GSTCD: variants seen among roughly 807,000 people sequenced by gnomAD.
The protein encoded by GSTCD is glutathione S-transferase C-terminal domain containing.
Under a neutral mutation model 68.3 loss-of-function variants are expected in GSTCD, and 44 were observed. The observed-to-expected ratio is 0.64, with a 90% CI of 0.51 to 0.83. The LOEUF is 0.83. GSTCD is among the 40% of genes least tolerant of loss of function. The pLI, the probability that GSTCD is intolerant of heterozygous loss-of-function variation, is 0.00. For synonymous variants in GSTCD, 273 were observed against 255.2 expected, an observed-to-expected ratio of 1.07 and a Z score of -0.67; for missense variants, 739 against 735.9, an observed-to-expected ratio of 1.00 and a Z score of -0.05.
At chr4:105,840,127 A>G in intron 10 of GSTCD, 1 of 441,582 alleles carries the variant, frequency 2.3e-6, no homozygotes, top group Non-Finnish European at 4.5e-6. Context: ...CAAAGAGAAC[A>G]TACACACAAA....
chr4:105,719,251 T>A lies in GSTCD; in HGVS notation c.618T>A (p.Asp206Glu), dbSNP rs756497481. Residue 206 changes from aspartate to glutamate, a missense_variant, in exon 3 of 12, where the codon GAT becomes GAA. By Grantham distance (45) the Asp-to-Glu change is conservative. Coordinates refer to ENST00000515279, the MANE Select transcript of GSTCD (RefSeq NM_001370181.1). The stretch of plus-strand genomic sequence containing the variant: ...AGAAGCTCAAGCAACAGAAGGCTGA[T>A]GGAGTTGGGCCTCCCCTTACTAAGG... ...RRQKLKQQKA[D>E]GVGPPLTKGK... is the part of the protein sequence containing the mutation. The A allele has an allele frequency of 3.0e-5, 48 of 1,613,956 alleles. No homozygotes were observed. The Admixed American group carries it at 7.7e-4, about 26-fold the overall frequency.
chr4:105,797,064 GTGTGTGTGTGTGTGTA>G (rs1345826903), intron 5 of GSTCD, among the ~76,000 whole-genome samples: 1 of 151,562 alleles, frequency 6.6e-6, no homozygotes, highest in Admixed American at 6.6e-5. Context: ...GTGTGTGTGT[GTGTGTGTGTGTGTGTA>G]TGTGTGTGTG....
At chr4:105,807,703 C>A (rs1722574837) in intron 5 of GSTCD, among the ~76,000 whole-genome samples, 1 of 152,016 alleles carries the variant, frequency 6.6e-6, no homozygotes, top group Non-Finnish European at 1.5e-5. Flanking sequence ...CTTGAGTATA[C>A]CACAGCAGGG....
intron 5 of GSTCD, among the ~76,000 whole-genome samples, chr4:105,775,918 C>T (rs1735041400): frequency 6.6e-6 from 1 of 152,232 alleles, no homozygotes; most frequent in South Asian, 2.1e-4. Flanking sequence ...CAGGCAGGAA[C>T]ATTGAAGTCT....
rs1307942023 is a variant in GSTCD, at chr4:105,845,449, T to C, written c.1774T>C (p.Cys592Arg). The change falls in exon 12 of 12, where the codon TGC becomes CGC. Residue 592 changes from cysteine (C) to arginine (R), a missense_variant. Physicochemically the swap from Cys to Arg is radical, Grantham distance 180. Coordinates refer to ENST00000515279, the MANE Select transcript of GSTCD (RefSeq NM_001370181.1). ...ATTTGACTGTGTTTCAGGAAAACAG[T>C]GCATGTGCTTGGTGGATCTGGATCG... The part of the protein sequence containing the change: ...PPQRRLIGKQ[C>R]MCLVDLDRAR... The C allele has an allele frequency of 6.2e-7, 1 of 1,614,118 alleles. No individual in the cohort carries two copies. The highest frequency in any genetic ancestry group is 1.1e-5 in the South Asian group (1 of 91,082).
chr4:105,754,899 A>C (rs1016299415), intron 5 of GSTCD, among the ~76,000 whole-genome samples: 1 of 151,824 alleles, frequency 6.6e-6, no homozygotes, highest in African/African-American at 2.4e-5. Context: ...TAGCTGTAAA[A>C]GGCAATATTA....
intron 5 of GSTCD, among the ~76,000 whole-genome samples, chr4:105,788,797 A>G (rs1347234669): frequency 6.6e-6 from 1 of 152,062 alleles, no homozygotes; most frequent in Non-Finnish European, 1.5e-5. Flanking sequence ...TATTATTGAC[A>G]TTTATGATAA....
At chr4:105,736,008 T>A (rs1733450329) in intron 5 of GSTCD, among the ~76,000 whole-genome samples, 1 of 152,204 alleles carries the variant, frequency 6.6e-6, no homozygotes, top group Non-Finnish European at 1.5e-5. Context: ...GTTTAAAATG[T>A]TGTTTGAGAA....
chr4:105,721,031 G>T (rs1310033762), intron 3 of GSTCD, among the ~76,000 whole-genome samples: 1 of 151,610 alleles, frequency 6.6e-6, no homozygotes, highest in African/African-American at 2.4e-5. Context: ...GTGTGCAGTG[G>T]TGTAATCGCA....
At position 105,729,450 on chromosome 4, in the gene GSTCD, T is replaced by C. The variant is rs754689786; in HGVS notation, c.1191T>C (p.Thr397=). The change falls in exon 5 of 12, where the codon ACT becomes ACC. Residue 397 remains threonine (T), a synonymous_variant. Transcript: ENST00000515279. The part of the protein sequence containing the change: ...EVMFSPHPCP[T]WTLDWNVLPA... ...TGTTTTCTCCCCACCCTTGCCCTACTTGGACTCTTGATTGGAATGTTCTCC... is the reference window on the plus strand; with the variant it reads ...TGTTTTCTCCCCACCCTTGCCCTACCTGGACTCTTGATTGGAATGTTCTCC... The C allele has an allele frequency of 1.9e-6, 3 of 1,612,386 alleles. No homozygotes were observed. Among genetic ancestry groups the C allele is most frequent in the Non-Finnish European group, 8.5e-7 (1 of 1,178,972 alleles).
chr4:105,842,186 G>C, intron 11 of GSTCD, 52 bp downstream of exon 11: 1 of 1,408,530 alleles, frequency 7.1e-7, no homozygotes, highest in Non-Finnish European at 1.0e-6. Context: ...AATATGACTG[G>C]GAATGATTGG....
chr4:105,787,055 A>G (rs1192166711), intron 5 of GSTCD, among the ~76,000 whole-genome samples: 1 of 152,098 alleles, frequency 6.6e-6, no homozygotes, highest in Non-Finnish European at 1.5e-5. Context: ...TGTATGTGCT[A>G]TATGTGATGT....
intron 5 of GSTCD, among the ~76,000 whole-genome samples, chr4:105,817,530 A>G (rs1372574592): frequency 6.6e-6 from 1 of 151,904 alleles, no homozygotes; most frequent in Non-Finnish European, 1.5e-5. Flanking sequence ...GTTACAAGAA[A>G]ATTGTCACAT....
At chr4:105,808,464 A>T (rs1722615984) in intron 5 of GSTCD, among the ~76,000 whole-genome samples, 1 of 152,102 alleles carries the variant, frequency 6.6e-6, no homozygotes, top group Non-Finnish European at 1.5e-5. Context: ...AATCTAAGCA[A>T]CTATCATGTC....
rs186116476 is a variant in GSTCD, at chr4:105,774,223, C to G, written c.1240+44724C>G. Among the ~76,000 whole-genome samples, 3 of 152,260 alleles carry G rather than the reference C, an allele frequency of 2.0e-5. No individual in the cohort carries two copies. In the East Asian group the frequency reaches 5.8e-4, roughly 29 times the overall value. ...TTTGCTTGGTAAATATTCCTCCATC[C>G]CTTTATTTTGAGCCTATGTATGTCT... On this transcript the variant is annotated intron_variant, in intron 5 of 11. Coordinates refer to ENST00000515279, the MANE Select transcript of GSTCD (RefSeq NM_001370181.1).
chr4:105,773,819 A>AT (rs1179710107), intron 5 of GSTCD, among the ~76,000 whole-genome samples: 1 of 152,170 alleles, frequency 6.6e-6, no homozygotes, highest in African/African-American at 2.4e-5. Flanking sequence ...TGCTGAGAAG[A>AT]ATGTATATTC....
chr4:105,831,336 G>C (rs531960362), intron 8 of GSTCD, among the ~76,000 whole-genome samples: 15 of 152,096 alleles, frequency 9.9e-5, no homozygotes, highest in Non-Finnish European at 2.2e-4. Context: ...AGAATTTGAG[G>C]CTACAAGAAA....
At chr4:105,755,056 CAAAAAAAAAAAAAAAAAAAAAAAAA>C (rs70941214) in intron 5 of GSTCD, among the ~76,000 whole-genome samples, 13 of 50,986 alleles carry the variant, frequency 2.5e-4, no homozygotes, top group Admixed American at 8.4e-4. Context: ...CTCATTTCTC[CAAAAAAAAAAAAAAAAAAAAAAAAA>C]AAAAAAAAAA....
At chr4:105,731,211 C>T (rs928278140) in intron 5 of GSTCD, among the ~76,000 whole-genome samples, 26 of 152,028 alleles carry the variant, frequency 1.7e-4, no homozygotes, top group African/African-American at 4.8e-4. Flanking sequence ...CTTGGCAATG[C>T]GGGCTCTTTT....
Sources: gnomAD v4.1 joint callset for allele counts (sites outside exome capture counted in the v4.1 genomes callset) on GRCh38, gnomAD v4.1.1 for gene constraint, MANE v1.5 for transcripts, NCBI Gene and HGNC (gene_info 2026-07-23, HGNC 2026-07-21) for gene names.